Variants in CLEC2D observed in about 807,000 individuals in gnomAD.
The protein encoded by CLEC2D is C-type lectin domain family 2 member D.
A neutral mutation model predicts 20.0 loss-of-function variants in CLEC2D; 16 were observed. The ratio of observed to expected loss-of-function variants is 0.80; its 90% CI spans 0.54 to 1.22. The LOEUF (loss-of-function observed/expected upper bound fraction) is 1.22, where lower values mean the gene tolerates loss of function less well. Ranked by LOEUF, CLEC2D falls within the 50% of genes most tolerant of loss-of-function variation. The pLI is 0.00. For synonymous variants in CLEC2D, 77 were observed against 71.1 expected, an observed-to-expected ratio of 1.08 and a Z score of -0.42; for missense variants, 207 against 221.5, an observed-to-expected ratio of 0.93 and a Z score of 0.42.
Position 9,695,266 on chromosome 12 carries a change from G to A in CLEC2D, c.*392G>A. On this transcript the variant is annotated 3_prime_UTR_variant, in exon 5 of 5. Coordinates refer to ENST00000290855, the MANE Select transcript of CLEC2D (RefSeq NM_013269.6). ...TATTTATACAACCATCAGATATCTT[G>A]AGACAAGAACAGTATGGGGCTCCCT... 1.5e-6 allele frequency: 1 copy of A among 669,890 alleles called. No homozygotes were observed. Among genetic ancestry groups the A allele is most frequent in the Non-Finnish European group, 2.7e-6 (1 of 371,972 alleles). The allele number at this position is 669,890 out of a possible 1,614,324, so 41.5% of individuals were successfully genotyped here.
At chr12:9,673,808 G>A (rs1865469634) in intron 1 of CLEC2D, among the ~76,000 whole-genome samples, 1 of 152,178 alleles carries the variant, frequency 6.6e-6, no homozygotes, top group Non-Finnish European at 1.5e-5. Context: ...CACCTAAAGA[G>A]GCAGTCTGGC....
intron 2 of CLEC2D, among the ~76,000 whole-genome samples, chr12:9,685,021 G>C (rs1865720798): frequency 6.6e-6 from 1 of 152,144 alleles, no homozygotes; most frequent in Admixed American, 6.5e-5. Context: ...GGCTTGTTTT[G>C]GTTGGGTAGG....
At position 9,696,764 on chromosome 12, in the gene CLEC2D, A is replaced by G. The variant is rs1866004253; in HGVS notation, c.*1890A>G. The G allele has an allele frequency of 1.3e-5, 2 of 152,820 alleles. No homozygotes were observed. Among genetic ancestry groups the G allele is most frequent in the Admixed American group, 6.5e-5 (1 of 15,286 alleles). 9.5% of individuals were successfully genotyped at this position (152,820 alleles called of 1,614,324 possible). On this transcript the variant is annotated 3_prime_UTR_variant, in exon 5 of 5. Coordinates refer to ENST00000290855, the MANE Select transcript of CLEC2D (RefSeq NM_013269.6). ...GAACCCTTGTACACAGTTGGTGGGA[A>G]CACAGTTTGGTGCAGCCATTATAGA...
At chr12:9,677,218 C>T (rs1228025099) in intron 1 of CLEC2D, among the ~76,000 whole-genome samples, 1 of 151,886 alleles carries the variant, frequency 6.6e-6, no homozygotes, top group Non-Finnish European at 1.5e-5. Flanking sequence ...AATTTTAGAT[C>T]TTTATTTTTT....
In CLEC2D at chr12:9,687,974, T is replaced by G; in HGVS notation, c.245T>G (p.Phe82Cys). The change falls in exon 3 of 5, where the codon TTT (phenylalanine) becomes TGT (cysteine). Residue 82 changes from phenylalanine to cysteine, a missense_variant. Physicochemically the swap from Phe to Cys is radical, Grantham distance 205. Transcript: ENST00000290855. ...QAACPESWIG[F>C]QRKCFYFSDD... Reference sequence around the variant, plus strand: ...GCATGCCCAGAAAGCTGGATTGGTTTTCAAAGAAAGTGTTTCTATTTTTCT... The same window carrying G: ...GCATGCCCAGAAAGCTGGATTGGTTGTCAAAGAAAGTGTTTCTATTTTTCT... The G allele has an allele frequency of 6.2e-7, 1 of 1,612,696 alleles. No individual in the cohort carries two copies. Among genetic ancestry groups the G allele is most frequent in the Non-Finnish European group, 8.5e-7 (1 of 1,179,310 alleles).
At chr12:9,691,074 A>C (rs1865851451) in intron 3 of CLEC2D, among the ~76,000 whole-genome samples, 1 of 152,130 alleles carries the variant, frequency 6.6e-6, no homozygotes, top group African/African-American at 2.4e-5. Flanking sequence ...AAAAGGACTG[A>C]AAAAGATATT....
At chr12:9,678,586 C>T (rs1865571092) in intron 1 of CLEC2D, among the ~76,000 whole-genome samples, 1 of 152,008 alleles carries the variant, frequency 6.6e-6, no homozygotes, top group African/African-American at 2.4e-5. Context: ...GTTCATTAGG[C>T]TAGAGTGTGG....
At chr12:9,672,487 C>G (rs1354843306) in intron 1 of CLEC2D, among the ~76,000 whole-genome samples, 1 of 152,186 alleles carries the variant, frequency 6.6e-6, no homozygotes, top group African/African-American at 2.4e-5. Context: ...TGACCTTTCT[C>G]CCTGGCTGCC....
chr12:9,680,910 T>C lies in CLEC2D; in HGVS notation c.62-13T>C, dbSNP rs1565466290. ...ATTTAATTGTTAAAATGTTTTTCAA[T>C]AATTTTTTCCAGGTTGTCTGCATTC... On this transcript the variant is annotated splice_polypyrimidine_tract_variant and intron_variant, in intron 1 of 4. Coordinates refer to ENST00000290855, the MANE Select transcript of CLEC2D (RefSeq NM_013269.6). 1 of 1,309,470 alleles carries C rather than the reference T, an allele frequency of 7.6e-7. No homozygotes were observed. Among genetic ancestry groups the C allele is most frequent in the Non-Finnish European group, 1.1e-6 (1 of 907,978 alleles). 81.1% of individuals were successfully genotyped at this position (1,309,470 alleles called of 1,614,324 possible). A position where few individuals can be genotyped will look rare whatever the true frequency, so the allele number is the denominator to read the frequency against.
At chr12:9,688,675 A>T (rs181059279) in intron 3 of CLEC2D, among the ~76,000 whole-genome samples, 1 of 152,326 alleles carries the variant, frequency 6.6e-6, no homozygotes, top group Admixed American at 6.5e-5. Context: ...AGCTGAAATC[A>T]TGCTACTGTA....
intron 3 of CLEC2D, among the ~76,000 whole-genome samples, chr12:9,689,997 T>C (rs1049883690): frequency 2.6e-5 from 4 of 151,908 alleles, no homozygotes; most frequent in Non-Finnish European, 4.4e-5. Context: ...TACATAAATA[T>C]ATACATCCAA....
chr12:9,693,933 GT>G (rs1291507003), intron 4 of CLEC2D: 4 of 334,476 alleles, frequency 1.2e-5, no homozygotes, highest in Non-Finnish European at 1.7e-5. Context: ...AGCCTCCTGA[GT>G]AGCTGGGACT....
intron 1 of CLEC2D, among the ~76,000 whole-genome samples, chr12:9,674,553 C>G (rs1452223578): frequency 6.6e-6 from 1 of 152,238 alleles, no homozygotes; most frequent in Non-Finnish European, 1.5e-5. Flanking sequence ...TGGCCCCTCC[C>G]TTCAAGTATG....
In CLEC2D at chr12:9,695,553, G is replaced by A. The variant is rs181910825; in HGVS notation, c.*679G>A. The stretch of plus-strand genomic sequence containing the variant: ...CAGGGGCTGGTGCAAAGGATGAACT[G>A]CACATTGTTGAAGCAGAGGCCATGA... On this transcript the variant is annotated 3_prime_UTR_variant, in exon 5 of 5. Coordinates refer to ENST00000290855, the MANE Select transcript of CLEC2D (RefSeq NM_013269.6). 98 of 1,340,660 alleles carry A rather than the reference G, an allele frequency of 7.3e-5. No homozygotes were observed. Among genetic ancestry groups the A allele is most frequent in the Admixed American group, 4.7e-4 (28 of 59,510 alleles). 83.0% of individuals were successfully genotyped at this position (1,340,660 alleles called of 1,614,324 possible). A position where few individuals can be genotyped will look rare whatever the true frequency, so the allele number is the denominator to read the frequency against.
chr12:9,669,937 T>C, intron 1 of CLEC2D, 142 bp downstream of exon 1: 1 of 570,228 alleles, frequency 1.8e-6, no homozygotes. Context: ...ATAAATTGGC[T>C]TATAATTTGT....
intron 1 of CLEC2D, 33 bp downstream of exon 1, chr12:9,669,828 G>A: frequency 7.2e-6 from 11 of 1,536,042 alleles, no homozygotes; most frequent in Non-Finnish European, 9.9e-6. Flanking sequence ...GTAAGTGTGA[G>A]GACTGGAATG....
chr12:9,677,695 A>G (rs1436607969), intron 1 of CLEC2D, among the ~76,000 whole-genome samples: 1 of 136,968 alleles, frequency 7.3e-6, no homozygotes, highest in African/African-American at 2.7e-5. Flanking sequence ...GGATCTGGGC[A>G]TTTCTTTCTT....
chr12:9,690,932 C>G (rs1591702341), intron 3 of CLEC2D, among the ~76,000 whole-genome samples: 2 of 151,994 alleles, frequency 1.3e-5, no homozygotes, highest in East Asian at 3.9e-4. Flanking sequence ...AAGGATGAAG[C>G]CATCCTATTA....
At chr12:9,692,072 C>G (rs754520711) in intron 3 of CLEC2D, among the ~76,000 whole-genome samples, 4 of 152,160 alleles carry the variant, frequency 2.6e-5, no homozygotes, top group African/African-American at 9.7e-5. Context: ...GGTACACTTA[C>G]ATTAGTTTGG....
Sources: gnomAD v4.1 joint callset for allele counts (sites outside exome capture counted in the v4.1 genomes callset) on GRCh38, gnomAD v4.1.1 for gene constraint, MANE v1.5 for transcripts, NCBI Gene and HGNC (gene_info 2026-07-23, HGNC 2026-07-21) for gene names.